Variants in SNRNP40 observed in about 807,000 individuals in gnomAD.
The protein encoded by SNRNP40 is small nuclear ribonucleoprotein U5 subunit 40, also known as U5 small nuclear ribonucleoprotein 40 kDa protein.
In SNRNP40, 21 loss-of-function variants were observed where a neutral mutation model predicts 45.8. That is an observed-to-expected ratio of 0.46 (90% CI 0.32 to 0.66). SNRNP40 has a LOEUF of 0.66. SNRNP40 is among the 30% of genes least tolerant of loss of function. The pLI is 0.03. For synonymous variants in SNRNP40, 142 were observed against 163.8 expected (o/e 0.87, Z 1.01); for missense variants, 344 against 439.1 (o/e 0.78, Z 1.94).
chr1:31,267,348 G>T (rs1368353381), intron 8 of SNRNP40, among the ~76,000 whole-genome samples: 1 of 152,174 alleles, frequency 6.6e-6, no homozygotes, highest in African/African-American at 2.4e-5. Context: ...CAAACAAATT[G>T]TTGATCCTCT....
chr1:31,294,217 C>T (rs1480504468), intron 1 of SNRNP40, among the ~76,000 whole-genome samples: 1 of 152,216 alleles, frequency 6.6e-6, no homozygotes, highest in African/African-American at 2.4e-5. Context: ...CTTGGCCTCC[C>T]AGAGTGCTGG....
At chr1:31,288,770 G>A (rs527706187) in intron 4 of SNRNP40, among the ~76,000 whole-genome samples, 5 of 151,022 alleles carry the variant, frequency 3.3e-5, no homozygotes, top group South Asian at 4.2e-4. Flanking sequence ...ACAGAGTCTC[G>A]CTCTGTCGCC....
intron 9 of SNRNP40, among the ~76,000 whole-genome samples, chr1:31,260,757 G>C (rs1037973354): frequency 2.6e-5 from 4 of 151,292 alleles, no homozygotes; most frequent in Non-Finnish European, 1.5e-5. Context: ...AGCTACTTGG[G>C]AGGCTGAGGC....
At chr1:31,287,312 ATG>A (rs1239693646) in intron 4 of SNRNP40, among the ~76,000 whole-genome samples, 1 of 152,184 alleles carries the variant, frequency 6.6e-6, no homozygotes, top group Non-Finnish European at 1.5e-5. Flanking sequence ...TCTTTAGGTG[ATG>A]TGACATACTG....
chr1:31,266,767 A>C (rs914529422), intron 8 of SNRNP40, among the ~76,000 whole-genome samples: 2 of 152,228 alleles, frequency 1.3e-5, no homozygotes, highest in African/African-American at 4.8e-5. Context: ...CCAATAGCTG[A>C]GCTGCTATGC....
At chr1:31,269,489 T>A in intron 6 of SNRNP40, 1 of 891,358 alleles carries the variant, frequency 1.1e-6, no homozygotes, top group Non-Finnish European at 1.5e-6. Context: ...ACAATGTTGG[T>A]AATTTGCAAC....
In SNRNP40 at chr1:31,269,214, C is replaced by T. The variant is rs1237361771; in HGVS notation, c.802G>A (p.Ala268Thr). The stretch of plus-strand genomic sequence containing the variant: ...ATCTTTACACATCTCTCTTTGGGGG[C>T]AAATGGCCGGACATCCCAGACACGA... Reference protein sequence around the residue: ...TVRVWDVRPFAPKERCVKIFQ... With the variant: ...TVRVWDVRPFTPKERCVKIFQ... Residue 268 changes from alanine (A) to threonine (T), a missense_variant, in exon 7 of 10, where the codon GCC (alanine) becomes ACC (threonine). By Grantham distance (58) the Ala-to-Thr change is moderately conservative. Transcript: ENST00000263694. 6.2e-7 allele frequency: 1 copy of T among 1,612,720 alleles called. No individual in the cohort carries two copies. The highest frequency in any genetic ancestry group is 1.7e-5 in the Admixed American group (1 of 59,646).
chr1:31,279,049 CAA>C (rs140037725), intron 5 of SNRNP40, among the ~76,000 whole-genome samples: 3 of 147,544 alleles, frequency 2.0e-5, no homozygotes, highest in South Asian at 2.2e-4. Context: ...ATACAAAAAA[CAA>C]AAAAAAAAAC....
intron 4 of SNRNP40, among the ~76,000 whole-genome samples, chr1:31,285,840 A>C (rs1646053767): frequency 6.6e-6 from 1 of 152,176 alleles, no homozygotes; most frequent in South Asian, 2.1e-4. Flanking sequence ...CCTCTTGATT[A>C]GATTTAAGTT....
chr1:31,291,772 T>C lies in SNRNP40; in HGVS notation c.365+141A>G, dbSNP rs575430503. The C allele has an allele frequency of 2.4e-5, 15 of 618,594 alleles. No homozygotes were observed. In the African/African-American group the frequency reaches 2.5e-4, roughly 10 times the overall value. 38.3% of individuals were successfully genotyped at this position (618,594 alleles called of 1,614,324 possible). A position where few individuals can be genotyped will look rare whatever the true frequency, so the allele number is the denominator to read the frequency against. On this transcript the variant is annotated intron_variant, in intron 3 of 9. Transcript: ENST00000263694. Reference sequence around the variant, plus strand: ...CAGACTATAAACACCTCACTTGGGGTGACAGTGATAAATCGGATACTAAAG... The same window carrying C: ...CAGACTATAAACACCTCACTTGGGGCGACAGTGATAAATCGGATACTAAAG...
chr1:31,270,598 A>G (rs1469579634), intron 6 of SNRNP40, among the ~76,000 whole-genome samples: 2 of 152,256 alleles, frequency 1.3e-5, no homozygotes, highest in Non-Finnish European at 2.9e-5. Flanking sequence ...GGAGTCAGAC[A>G]GGCATAAAAA....
chr1:31,296,474 G>T, intron 1 of SNRNP40, 137 bp downstream of exon 1: 1 of 1,213,128 alleles, frequency 8.2e-7, no homozygotes, highest in East Asian at 2.5e-5. Context: ...CTTTTACAGT[G>T]TTTATGTGCT....
chr1:31,260,203 A>G (rs1434690638), intron 9 of SNRNP40, 82 bp from the exon 10 acceptor site: 2 of 914,366 alleles, frequency 2.2e-6, no homozygotes, highest in African/African-American at 3.4e-5. Flanking sequence ...TCAAGAGCCA[A>G]TTCTGGTATA....
chr1:31,279,132 G>A (rs2148386041), intron 5 of SNRNP40, among the ~76,000 whole-genome samples: 1 of 152,210 alleles, frequency 6.6e-6, no homozygotes, highest in Middle Eastern at 3.4e-3. Context: ...AAATCTCCAG[G>A]GTATTCCTCT....
rs1646016238 is a variant in SNRNP40, at chr1:31,281,487, T to A, written c.541A>T (p.Ile181Phe). 1.9e-6 allele frequency: 3 copies of A among 1,605,736 alleles called. No homozygotes were observed. Among genetic ancestry groups the A allele is most frequent in the Non-Finnish European group, 2.6e-6 (3 of 1,173,042 alleles). ...GTCTGGATGGCTGCTTTCTTCCGGA[T>A]GTCCCAAAGCTGAAGCAAAGGACAA... ...SDDGTVKLWDIRKKAAIQTFQ... is the reference protein window; with the variant it reads ...SDDGTVKLWDFRKKAAIQTFQ... Residue 181 changes from isoleucine (I) to phenylalanine (F), a missense_variant, in exon 5 of 10, where the codon ATC becomes TTC. Physicochemically the swap from Ile to Phe is conservative, Grantham distance 21 (BLOSUM62 0). Transcript: ENST00000263694.
chr1:31,269,685 T>C (rs1420080569), intron 6 of SNRNP40: 2 of 242,344 alleles, frequency 8.3e-6, no homozygotes, highest in Non-Finnish European at 1.6e-5. Flanking sequence ...CACCTGATAG[T>C]CTAAGACTGG....
intron 6 of SNRNP40, 130 bp downstream of exon 6, chr1:31,271,249 A>G: frequency 2.3e-6 from 2 of 872,054 alleles, no homozygotes; most frequent in South Asian, 3.6e-5. Flanking sequence ...CTGAGACTAC[A>G]GTCCTAGATT....
chr1:31,288,350 T>C (rs1367329153), intron 4 of SNRNP40, among the ~76,000 whole-genome samples: 1 of 152,332 alleles, frequency 6.6e-6, no homozygotes, highest in South Asian at 2.1e-4. Context: ...TGTGTCCTTG[T>C]GTGCCTCTGA....
chr1:31,279,933 C>G (rs1425698103), intron 5 of SNRNP40, among the ~76,000 whole-genome samples: 2 of 150,118 alleles, frequency 1.3e-5, no homozygotes, highest in African/African-American at 4.9e-5. Context: ...ATGGTGAAAC[C>G]CTGTCTCTAC....
Sources: allele counts gnomAD v4.1 joint callset (sites outside exome capture counted in the v4.1 genomes callset), GRCh38; gene constraint gnomAD v4.1.1; transcripts MANE v1.5; gene names NCBI Gene and HGNC (gene_info 2026-07-23, HGNC 2026-07-21).